Variants in STARD9 observed in about 807,000 individuals in gnomAD.
The protein encoded by STARD9 is stAR-related lipid transfer protein 9.
STARD9 carries 346 observed loss-of-function variants against 399.8 expected under a neutral mutation model. That is an observed-to-expected ratio of 0.87 (90% CI 0.79 to 0.95). The LOEUF (loss-of-function observed/expected upper bound fraction) is 0.95. Among genes scored for constraint, STARD9 ranks in the 40% least tolerant of loss-of-function variants. STARD9 has a pLI of 0.00. For missense variants in STARD9, 5,832 were observed against 5,667.5 expected (o/e 1.03, Z -0.93); for synonymous variants, 2,203 against 2,143.5 (o/e 1.03, Z -0.77).
intron 3 of STARD9, among the ~76,000 whole-genome samples, chr15:42,632,015 T>G (rs1406993500): frequency 6.6e-6 from 1 of 152,236 alleles, no homozygotes; most frequent in African/African-American, 2.4e-5. Flanking sequence ...GTCTGAATGA[T>G]CTTTCCAATG....
At chr15:42,618,393 A>G (rs2141841019) in intron 3 of STARD9, among the ~76,000 whole-genome samples, 1 of 152,148 alleles carries the variant, frequency 6.6e-6, no homozygotes, top group African/African-American at 2.4e-5. Flanking sequence ...TCAGTCTCCC[A>G]AAGTGCTAGG....
chr15:42,655,139 G>T (rs2059840718), intron 9 of STARD9, among the ~76,000 whole-genome samples: 1 of 152,116 alleles, frequency 6.6e-6, no homozygotes, highest in African/African-American at 2.4e-5. Context: ...AAAATTAGCT[G>T]GGCGTGATGG....
chr15:42,583,639 T>G (rs1943141938), intron 2 of STARD9, among the ~76,000 whole-genome samples: 1 of 152,156 alleles, frequency 6.6e-6, no homozygotes, highest in Non-Finnish European at 1.5e-5. Context: ...TCAGATAGGG[T>G]GCATCTGTTT....
rs1449331133 is a variant in STARD9 at position 42,692,150 on chromosome 15, T to C, written c.10572T>C (p.Pro3524=). 1.3e-6 allele frequency: 2 copies of C among 1,536,944 alleles called. No homozygotes were observed. The highest frequency in any genetic ancestry group is 2.0e-5 in the Admixed American group (1 of 50,966). Residue 3524 remains proline (P), a synonymous_variant, in exon 23 of 33, where the codon CCT becomes CCC. Transcript: ENST00000290607. ...MDNGLEDQNS[P]FHSHLSTYAN... is the part of the protein sequence containing the mutation. Reference sequence around the variant, plus strand: ...ATGGCCTAGAAGACCAGAACTCCCCTTTCCACTCCCACCTCAGCACTTACG... The same window carrying C: ...ATGGCCTAGAAGACCAGAACTCCCCCTTCCACTCCCACCTCAGCACTTACG...
intron 7 of STARD9, among the ~76,000 whole-genome samples, chr15:42,643,627 G>A (rs1160852068): frequency 6.6e-6 from 1 of 150,634 alleles, no homozygotes; most frequent in Non-Finnish European, 1.5e-5. Flanking sequence ...AGCTAGTCCT[G>A]ACTAGCTGGG....
At chr15:42,698,398 A>T (rs2060890732) in intron 26 of STARD9, among the ~76,000 whole-genome samples, 2 of 152,144 alleles carry the variant, frequency 1.3e-5, no homozygotes, top group African/African-American at 4.8e-5. Flanking sequence ...CATGTTATCA[A>T]ATGTTTAGAT....
rs1260276766 is a variant in STARD9, at chr15:42,718,364, C to T, written c.13763-71C>T. On this transcript the variant is annotated intron_variant, in intron 30 of 32. Transcript: ENST00000290607. ...TGATGGGGTGTTGGGGGGAGGGCTC[C>T]CTGACCAGGAAGGCTTTAGGACTAG... The T allele has an allele frequency of 3.7e-6, 5 of 1,365,994 alleles. No homozygotes were observed. In the East Asian group the frequency reaches 1.3e-4, roughly 34 times the overall value. 84.6% of individuals were successfully genotyped at this position (1,365,994 alleles called of 1,614,324 possible). A position where few individuals can be genotyped will look rare whatever the true frequency, so the allele number is the denominator to read the frequency against.
In STARD9 at chr15:42,692,158, C is replaced by G. The variant is rs1284105485; in HGVS notation, c.10580C>G (p.Ser3527Cys). ...GAAGACCAGAACTCCCCTTTCCACT[C>G]CCACCTCAGCACTTACGCCAATATT... The part of the protein sequence containing the change: ...GLEDQNSPFH[S>C]HLSTYANICD... The change falls in exon 23 of 33, where the codon TCC (serine) becomes TGC (cysteine). Residue 3527 changes from serine to cysteine, a missense_variant. Around this residue, in one of 2 missense-constraint regions of STARD9, gnomAD observed 5,828 missense variants for 5,651.1 expected, o/e 1.03. Coordinates refer to ENST00000290607, the MANE Select transcript of STARD9 (RefSeq NM_020759.3). The G allele has an allele frequency of 1.3e-6, 2 of 1,537,046 alleles. No homozygotes were observed. Among genetic ancestry groups the G allele is most frequent in the Non-Finnish European group, 1.7e-6 (2 of 1,146,912 alleles).
chr15:42,651,169 G>A, intron 8 of STARD9, 84 bp downstream of exon 8: 4 of 992,074 alleles, frequency 4.0e-6, no homozygotes, highest in Non-Finnish European at 5.9e-6. Flanking sequence ...AGTGTATAAT[G>A]ACACTTAAAA....
chr15:42,693,102 C>T lies in STARD9; in HGVS notation c.11524C>T (p.Leu3842=), dbSNP rs1037750590. Residue 3842 remains leucine, a synonymous_variant, in exon 23 of 33, where the codon CTG becomes TTG. Transcript: ENST00000290607. Reference sequence around the variant, plus strand: ...GAGCCCCTCAGTTTCTGATGCTTTCCTGCCTCCCAGCTCCCAGCCAGAGGA... The same window carrying T: ...GAGCCCCTCAGTTTCTGATGCTTTCTTGCCTCCCAGCTCCCAGCCAGAGGA... ...SVSPSVSDAF[L]PPSSQPEESY... The T allele has an allele frequency of 7.8e-6, 12 of 1,537,044 alleles. No homozygotes were observed. Among genetic ancestry groups the T allele is most frequent in the Middle Eastern group, 1.7e-4 (1 of 6,012 alleles).
chr15:42,621,577 C>T (rs1397277038), intron 3 of STARD9, among the ~76,000 whole-genome samples: 2 of 152,180 alleles, frequency 1.3e-5, no homozygotes, highest in East Asian at 3.8e-4. Flanking sequence ...GGATGAGGTA[C>T]AGAAACAGCT....
rs191667057 is a variant in STARD9, at chr15:42,578,149, C to T, written c.47+2387C>T. ...TTTTGGAGATGGAGTCTCACTCTGT[C>T]ACCCAGGCTGGAGTGCAATGGCGCG... On this transcript the variant is annotated intron_variant, in intron 1 of 32. Coordinates refer to ENST00000290607, the MANE Select transcript of STARD9 (RefSeq NM_020759.3). Among the ~76,000 whole-genome samples the T allele has an allele frequency of 3.6e-3, 542 of 150,226 alleles. 5 individuals carry two copies. Among genetic ancestry groups the T allele is most frequent in the African/African-American group, 0.013 (522 of 40,820 alleles).
chr15:42,681,652 A>T, intron 21 of STARD9, 40 bp downstream of exon 21: 1 of 1,465,218 alleles, frequency 6.8e-7, no homozygotes. Flanking sequence ...TCACCTCCTT[A>T]TTCTTTCATT....
chr15:42,656,441 A>C (rs1365268825), intron 9 of STARD9, among the ~76,000 whole-genome samples: 1 of 148,436 alleles, frequency 6.7e-6, no homozygotes, highest in Non-Finnish European at 1.5e-5. Flanking sequence ...TATCACCATT[A>C]TGGAAAACAG....
intron 26 of STARD9, among the ~76,000 whole-genome samples, chr15:42,712,091 A>C: frequency 0.024 from 2 of 84 alleles, 1 homozygote; most frequent in Admixed American, 0.5. Context: ...TTATATATAT[A>C]TATATAATAT....
chr15:42,710,913 CTGTG>C (rs67998439), intron 26 of STARD9, among the ~76,000 whole-genome samples: 4,356 of 144,720 alleles, frequency 0.03, 175 homozygotes, highest in African/African-American at 0.1. Context: ...CTCTCTCTCT[CTGTG>C]TGTGTGTGTC....
intron 9 of STARD9, among the ~76,000 whole-genome samples, chr15:42,659,521 G>A (rs1273519067): frequency 6.6e-6 from 1 of 151,852 alleles, no homozygotes. Flanking sequence ...GGTTTTCTTT[G>A]TTTGTTTTTG....
In STARD9 at chr15:42,692,718, A is replaced by T. The variant is rs1595788316; in HGVS notation, c.11140A>T (p.Ile3714Phe). Residue 3714 changes from isoleucine to phenylalanine, a missense_variant, in exon 23 of 33, where the codon ATC (isoleucine) becomes TTC (phenylalanine). Coordinates refer to ENST00000290607, the MANE Select transcript of STARD9 (RefSeq NM_020759.3). The part of the protein sequence containing the change: ...ARREQNTKRD[I>F]PDKAPQALMM... ...AAGGGAGCAGAACACCAAGAGGGAC[A>T]TCCCAGATAAAGCCCCACAGGCCCT... The T allele has an allele frequency of 6.5e-7, 1 of 1,537,100 alleles. No individual in the cohort carries two copies. The highest frequency in any genetic ancestry group is 2.4e-5 in the East Asian group (1 of 40,896).
At chr15:42,708,679 C>CT (rs879800813) in intron 26 of STARD9, among the ~76,000 whole-genome samples, 270 of 146,016 alleles carry the variant, frequency 1.8e-3, no homozygotes, top group African/African-American at 5.5e-3. Flanking sequence ...TGCTTTTTTT[C>CT]TTTTTTTTTT....
Sources: gnomAD v4.1 joint callset for allele counts (sites outside exome capture counted in the v4.1 genomes callset) on GRCh38, gnomAD v4.1.1 for gene constraint, gnomAD v4.1.1 regional missense constraint, MANE v1.5 for transcripts, NCBI Gene and HGNC (gene_info 2026-07-23, HGNC 2026-07-21) for gene names.